The following CADPS2 variants were observed in gnomAD, a reference collection of about 807,000 sequenced individuals.
The protein encoded by CADPS2 is calcium-dependent secretion activator 2.
Under a neutral mutation model 172.5 loss-of-function variants are expected in CADPS2, and 93 were observed. The ratio of observed to expected loss-of-function variants is 0.54; its 90% CI spans 0.46 to 0.64. The LOEUF (loss-of-function observed/expected upper bound fraction) is 0.64, where lower values mean the gene tolerates loss of function less well. Ranked by LOEUF, CADPS2 falls within the 30% of genes least tolerant of loss-of-function variation. The pLI, the probability that CADPS2 is intolerant of heterozygous loss-of-function variation, is 0.00. For synonymous variants in CADPS2, 546 were observed against 555.2 expected (o/e 0.98, Z 0.23); for missense variants, 1,420 against 1,565.9 (o/e 0.91, Z 1.57).
chr7:122,832,780 T>G (rs1026595535), intron 1 of CADPS2, among the ~76,000 whole-genome samples: 26 of 152,318 alleles, frequency 1.7e-4, no homozygotes, highest in Admixed American at 1.4e-3. Flanking sequence ...ATATGGGAAC[T>G]GCCATAAGAT....
intron 17 of CADPS2, among the ~76,000 whole-genome samples, chr7:122,428,671 G>A (rs2049493620): frequency 6.6e-6 from 1 of 151,962 alleles, no homozygotes; most frequent in Non-Finnish European, 1.5e-5. Flanking sequence ...GTTTCTCCAT[G>A]TTGGTCAGGC....
At chr7:122,374,300 G>T (rs2042093025) in intron 25 of CADPS2, among the ~76,000 whole-genome samples, 2 of 152,144 alleles carry the variant, frequency 1.3e-5, no homozygotes, top group Admixed American at 1.3e-4. Flanking sequence ...ATCATATTCA[G>T]TGGTGAAAAA....
Position 122,318,499 on chromosome 7 carries a change from G to A in CADPS2, c.*1666C>T, listed in dbSNP as rs962552148. The A allele has an allele frequency of 6.6e-6, 1 of 152,276 alleles. No homozygotes were observed. Among genetic ancestry groups the A allele is most frequent in the African/African-American group, 2.4e-5 (1 of 41,454 alleles). 9.4% of individuals were successfully genotyped at this position (152,276 alleles called of 1,614,324 possible). On this transcript the variant is annotated 3_prime_UTR_variant, in exon 30 of 30. Coordinates refer to ENST00000449022, the MANE Select transcript of CADPS2 (RefSeq NM_017954.11). ...TACTAAGTACAGAGCAATGTGTCGT[G>A]GAACAGCAAGCTTGGGGATGGTGCC...
At chr7:122,793,995 T>G (rs1459901747) in intron 1 of CADPS2, among the ~76,000 whole-genome samples, 1 of 152,174 alleles carries the variant, frequency 6.6e-6, no homozygotes, top group African/African-American at 2.4e-5. Flanking sequence ...CTGAGAGGTC[T>G]GCTGTTAGTC....
intron 27 of CADPS2, among the ~76,000 whole-genome samples, chr7:122,359,666 C>T (rs2039883376): frequency 6.6e-6 from 1 of 152,102 alleles, no homozygotes. Flanking sequence ...CCCTTTCATG[C>T]TGCTGCTTTG....
intron 2 of CADPS2, among the ~76,000 whole-genome samples, chr7:122,704,324 T>C (rs1473507054): frequency 6.6e-6 from 1 of 152,008 alleles, no homozygotes; most frequent in Non-Finnish European, 1.5e-5. Flanking sequence ...ATGATTCAGG[T>C]AACACCTGAA....
chr7:122,638,958 G>A (rs1040316352), intron 3 of CADPS2, among the ~76,000 whole-genome samples: 3 of 152,152 alleles, frequency 2.0e-5, no homozygotes, highest in Non-Finnish European at 4.4e-5. Flanking sequence ...CCTCTAGTCT[G>A]CCACCTTGAA....
chr7:122,432,151 G>T (rs1333283630), intron 17 of CADPS2, among the ~76,000 whole-genome samples: 1 of 152,100 alleles, frequency 6.6e-6, no homozygotes, highest in Non-Finnish European at 1.5e-5. Context: ...AGGCATGGCA[G>T]CCAGTGAAAA....
At chr7:122,481,099 TTC>T (rs2057238022) in intron 11 of CADPS2, among the ~76,000 whole-genome samples, 2 of 152,002 alleles carry the variant, frequency 1.3e-5, no homozygotes, top group Admixed American at 1.3e-4. Flanking sequence ...TTCATGGCAT[TTC>T]TCTGATAGTT....
At chr7:122,822,797 C>T (rs933547589) in intron 1 of CADPS2, among the ~76,000 whole-genome samples, 4 of 151,650 alleles carry the variant, frequency 2.6e-5, no homozygotes, top group Non-Finnish European at 5.9e-5. Flanking sequence ...GAACACCTTG[C>T]GACCCCCACT....
intron 6 of CADPS2, among the ~76,000 whole-genome samples, chr7:122,611,874 A>T (rs1466318491): frequency 6.6e-6 from 1 of 151,988 alleles, no homozygotes; most frequent in Non-Finnish European, 1.5e-5. Context: ...TGATAGTGGG[A>T]ATTGTGCAAG....
chr7:122,566,403 TC>T (rs1358412942), intron 7 of CADPS2, among the ~76,000 whole-genome samples: 1 of 152,040 alleles, frequency 6.6e-6, no homozygotes, highest in African/African-American at 2.4e-5. Context: ...GATTCAGAAA[TC>T]CCACTTTAAG....
chr7:122,597,313 TA>T (rs1156656335), intron 6 of CADPS2, among the ~76,000 whole-genome samples: 1 of 152,068 alleles, frequency 6.6e-6, no homozygotes, highest in African/African-American at 2.4e-5. Context: ...GTAAGTAAAA[TA>T]ACTATCATTA....
chr7:122,698,802 C>T, intron 2 of CADPS2: 4 of 1,613,886 alleles, frequency 2.5e-6, no homozygotes, highest in Non-Finnish European at 3.4e-6. Flanking sequence ...TCATATAAGC[C>T]ATCCAAACAA....
chr7:122,456,465 T>C (rs746487701), intron 14 of CADPS2, among the ~76,000 whole-genome samples: 4 of 152,076 alleles, frequency 2.6e-5, no homozygotes, highest in Non-Finnish European at 4.4e-5. Context: ...AAAAATAGGG[T>C]GCTCTGTGAA....
At chr7:122,580,795 G>A (rs898817544) in intron 7 of CADPS2, among the ~76,000 whole-genome samples, 3 of 152,160 alleles carry the variant, frequency 2.0e-5, no homozygotes, top group Non-Finnish European at 4.4e-5. Flanking sequence ...AACATGAAGA[G>A]CAGATGATTT....
chr7:122,529,967 G>C (rs915615616), intron 8 of CADPS2, among the ~76,000 whole-genome samples: 1 of 151,958 alleles, frequency 6.6e-6, no homozygotes, highest in Admixed American at 6.6e-5. Flanking sequence ...TCTACAATTA[G>C]AAAACTGGCA....
chr7:122,609,679 G>A (rs150043732), intron 6 of CADPS2, among the ~76,000 whole-genome samples: 3 of 152,274 alleles, frequency 2.0e-5, no homozygotes, highest in East Asian at 1.9e-4. Context: ...AACCTCACAC[G>A]CTGTTTCCTC....
intron 9 of CADPS2, among the ~76,000 whole-genome samples, chr7:122,504,336 T>A (rs2059449362): frequency 6.6e-6 from 1 of 152,108 alleles, no homozygotes; most frequent in African/African-American, 2.4e-5. Context: ...CTCCTCTCAC[T>A]TTATTCTTTT....
Sources: allele counts gnomAD v4.1 joint callset (sites outside exome capture counted in the v4.1 genomes callset), GRCh38; gene constraint gnomAD v4.1.1; transcripts MANE v1.5; gene names NCBI Gene and HGNC (gene_info 2026-07-23, HGNC 2026-07-21).